The following PCDH15 variants were observed in gnomAD, a reference collection of about 807,000 sequenced individuals.
PCDH15 encodes the protein protocadherin related 15.
Under a neutral mutation model 178.5 loss-of-function variants are expected in PCDH15, and 129 were observed. That is an observed-to-expected ratio of 0.72 (90% confidence interval 0.63 to 0.84). The LOEUF is 0.84. PCDH15 is among the 40% of genes least tolerant of loss of function. The pLI, the probability that PCDH15 is intolerant of heterozygous loss-of-function variation, is 0.00. For missense variants in PCDH15, 2,230 were observed against 2,099.9 expected (o/e 1.06, Z -1.21); for synonymous variants, 800 against 732.0 (o/e 1.09, Z -1.50).
intron 2 of PCDH15, among the ~76,000 whole-genome samples, chr10:54,570,496 T>A (rs1215501129): frequency 1.3e-5 from 2 of 152,298 alleles, no homozygotes; most frequent in African/African-American, 2.4e-5. Context: ...AACTTACTGA[T>A]CCTTTCTTTT....
Position 53,805,806 on chromosome 10 carries a change from G to T in PCDH15, c.*773C>A, listed in dbSNP as rs1249184667. The T allele has an allele frequency of 2.0e-5, 3 of 152,060 alleles. No homozygotes were observed. Among genetic ancestry groups the T allele is most frequent in the Non-Finnish European group, 4.4e-5 (3 of 68,010 alleles). 9.4% of individuals were successfully genotyped at this position (152,060 alleles called of 1,614,324 possible). Reference sequence around the variant, plus strand: ...TCACTTCCCTAAAAGCTTTTGCTAAGGGTGAGATTTCCATGTTGCTCCAAA... The same window carrying T: ...TCACTTCCCTAAAAGCTTTTGCTAATGGTGAGATTTCCATGTTGCTCCAAA... On this transcript the variant is annotated 3_prime_UTR_variant, in exon 38 of 38. Transcript: ENST00000644397.
At chr10:55,122,766 A>C (rs958140043) in intron 2 of PCDH15, among the ~76,000 whole-genome samples, 1 of 152,192 alleles carries the variant, frequency 6.6e-6, no homozygotes, top group African/African-American at 2.4e-5. Context: ...TATAAAATGT[A>C]AATCTAAACT....
chr10:55,031,868 G>C (rs370163324), intron 2 of PCDH15, among the ~76,000 whole-genome samples: 4 of 152,040 alleles, frequency 2.6e-5, no homozygotes, highest in East Asian at 3.9e-4. Context: ...ACACATTTTT[G>C]TTCTTTATAA....
intron 2 of PCDH15, among the ~76,000 whole-genome samples, chr10:55,530,616 T>A (rs1475490939): frequency 6.6e-6 from 1 of 152,046 alleles, no homozygotes; most frequent in Non-Finnish European, 1.5e-5. Context: ...AGTCCCTGAA[T>A]TAATAGAATA....
intron 2 of PCDH15, among the ~76,000 whole-genome samples, chr10:55,157,268 C>G (rs914235651): frequency 6.6e-6 from 1 of 151,540 alleles, no homozygotes. Flanking sequence ...CCATCTCACA[C>G]CAGTTAGAAT....
At chr10:55,530,188 G>A (rs750258864) in intron 2 of PCDH15, among the ~76,000 whole-genome samples, 5 of 151,406 alleles carry the variant, frequency 3.3e-5, no homozygotes, top group African/African-American at 4.9e-5. Context: ...AACTGTCGTC[G>A]GCTTTTGAGC....
chr10:54,003,054 C>T (rs1198373844), intron 20 of PCDH15, among the ~76,000 whole-genome samples: 5 of 152,200 alleles, frequency 3.3e-5, no homozygotes, highest in South Asian at 2.1e-4. Flanking sequence ...AGCAAGACCA[C>T]GAATCCATCA....
chr10:55,499,467 C>A (rs1023923507), intron 2 of PCDH15, among the ~76,000 whole-genome samples: 14 of 150,524 alleles, frequency 9.3e-5, no homozygotes, highest in African/African-American at 3.4e-4. Flanking sequence ...AATGTTGCAT[C>A]TCTCACCATG....
chr10:54,623,140 T>A (rs1234997092), intron 2 of PCDH15, among the ~76,000 whole-genome samples: 1 of 152,068 alleles, frequency 6.6e-6, no homozygotes, highest in Non-Finnish European at 1.5e-5. Flanking sequence ...GTAGACTAGT[T>A]TCCACCATTG....
At chr10:55,463,759 T>C (rs1442442542) in intron 2 of PCDH15, among the ~76,000 whole-genome samples, 3 of 151,766 alleles carry the variant, frequency 2.0e-5, no homozygotes, top group Non-Finnish European at 4.4e-5. Flanking sequence ...CCTCGTATGA[T>C]CAGTATAACA....
chr10:54,883,930 T>A (rs1954307082), intron 3 of PCDH15, among the ~76,000 whole-genome samples: 1 of 152,042 alleles, frequency 6.6e-6, no homozygotes, highest in Non-Finnish European at 1.5e-5. Context: ...GTTGTAGTCC[T>A]TATTGGTGGG....
At chr10:53,983,861 T>C (rs1367908817) in intron 21 of PCDH15, among the ~76,000 whole-genome samples, 5 of 151,980 alleles carry the variant, frequency 3.3e-5, no homozygotes, top group African/African-American at 7.2e-5. Context: ...CTTAACACTG[T>C]CTTCACAATC....
At chr10:54,669,817 T>G (rs2094629506) in intron 1 of PCDH15, among the ~76,000 whole-genome samples, 1 of 151,056 alleles carries the variant, frequency 6.6e-6, no homozygotes, top group Admixed American at 6.6e-5. Flanking sequence ...CTTTGGGAGG[T>G]TGGGGAGCAT....
chr10:54,713,738 C>T (rs2095448942), intron 1 of PCDH15, among the ~76,000 whole-genome samples: 1 of 152,098 alleles, frequency 6.6e-6, no homozygotes, highest in African/African-American at 2.4e-5. Flanking sequence ...TTACATTTTA[C>T]AGGTATCTTA....
chr10:54,976,717 G>A (rs925040405), intron 2 of PCDH15, among the ~76,000 whole-genome samples: 6 of 152,152 alleles, frequency 3.9e-5, no homozygotes, highest in Non-Finnish European at 8.8e-5. Flanking sequence ...TGAACAGTAA[G>A]GGATTGTAGA....
chr10:54,739,973 C>G (rs778649354), intron 1 of PCDH15, among the ~76,000 whole-genome samples: 7 of 151,858 alleles, frequency 4.6e-5, no homozygotes, highest in Non-Finnish European at 8.8e-5. Flanking sequence ...TTGGTCTAGA[C>G]AAAGATTTTT....
chr10:54,184,961 G>T (rs902045622), intron 12 of PCDH15, among the ~76,000 whole-genome samples, 173 bp downstream of exon 12: 1 of 151,700 alleles, frequency 6.6e-6, no homozygotes, highest in Non-Finnish European at 1.5e-5. Flanking sequence ...CAAAAAAAGA[G>T]CAATACATGT....
chr10:55,222,938 T>C (rs1685556230), intron 1 of PCDH15, among the ~76,000 whole-genome samples: 1 of 151,822 alleles, frequency 6.6e-6, no homozygotes. Context: ...TAGTTATTGA[T>C]AACAATTTTT....
At chr10:55,434,072 CTTTTCTTTTTTTTTTT>C (rs1838961752) in intron 2 of PCDH15, among the ~76,000 whole-genome samples, 2 of 84,008 alleles carry the variant, frequency 2.4e-5, no homozygotes, top group African/African-American at 1.1e-4. Context: ...TTTTTCTTTT[CTTTTCTTTTTTTTTTT>C]TTTTTTTTTT....
Sources: allele counts gnomAD v4.1 joint callset (sites outside exome capture counted in the v4.1 genomes callset), GRCh38; gene constraint gnomAD v4.1.1; transcripts MANE v1.5; gene names NCBI Gene and HGNC (gene_info 2026-07-23, HGNC 2026-07-21).